The following GFOD1 variants were observed in gnomAD, a reference collection of about 807,000 sequenced individuals.
GFOD1 encodes the protein glucose-fructose oxidoreductase domain-containing protein 1.
In GFOD1, 9 loss-of-function variants were observed where a neutral mutation model predicts 25.4. The ratio of observed to expected loss-of-function variants is 0.35; its 90% CI spans 0.21 to 0.62. The LOEUF (loss-of-function observed/expected upper bound fraction) is 0.62, where lower values mean the gene tolerates loss of function less well. Ranked by LOEUF, GFOD1 falls within the 20% of genes least tolerant of loss-of-function variation. GFOD1 has a pLI of 0.72. For synonymous variants in GFOD1, 253 were observed against 245.6 expected, an observed-to-expected ratio of 1.03 and a Z score of -0.28; for missense variants, 403 against 556.9, an observed-to-expected ratio of 0.72 and a Z score of 2.78.
At chr6:13,383,623 A>G (rs377185909) in intron 1 of GFOD1, among the ~76,000 whole-genome samples, 10 of 152,388 alleles carry the variant, frequency 6.6e-5, no homozygotes, top group African/African-American at 2.4e-4. Flanking sequence ...CATTGTTAAA[A>G]TAATTAATGG....
intron 1 of GFOD1, among the ~76,000 whole-genome samples, chr6:13,387,408 G>A (rs1040207824): frequency 4.6e-5 from 7 of 152,142 alleles, no homozygotes; most frequent in African/African-American, 1.7e-4. Context: ...ACATCAAAAA[G>A]CTTATCCACC....
intron 1 of GFOD1, chr6:13,470,504 G>A: frequency 6.5e-7 from 1 of 1,549,974 alleles, no homozygotes; most frequent in Non-Finnish European, 8.7e-7. Flanking sequence ...AGCATCGTGG[G>A]GGGTAAACAA....
chr6:13,393,447 C>T (rs1168324393), intron 1 of GFOD1, among the ~76,000 whole-genome samples: 1 of 149,752 alleles, frequency 6.7e-6, no homozygotes, highest in Non-Finnish European at 1.5e-5. Flanking sequence ...CCTTCCCCTG[C>T]TTGCCATCCT....
intron 1 of GFOD1, among the ~76,000 whole-genome samples, chr6:13,483,028 C>A (rs9395813): frequency 0.13 from 19,001 of 151,866 alleles, 1,266 homozygotes; most frequent in Middle Eastern, 0.16. Flanking sequence ...TGCCTCCTGT[C>A]CAAAGACAGG....
chr6:13,396,877 A>C (rs1785743353), intron 1 of GFOD1, among the ~76,000 whole-genome samples: 1 of 152,198 alleles, frequency 6.6e-6, no homozygotes, highest in Non-Finnish European at 1.5e-5. Flanking sequence ...GAAGAGAATA[A>C]TCTGTATTGT....
rs568259396 is a variant in GFOD1 at position 13,361,377 on chromosome 6, C to T, written c.*3366G>A. On this transcript the variant is annotated 3_prime_UTR_variant, in exon 2 of 2. Coordinates refer to ENST00000379287, the MANE Select transcript of GFOD1 (RefSeq NM_018988.4). ...TAGGCCATTCGCACATTGATGGGAA[C>T]GAAACAGGCATGCAGGAACTAAATG... 1.3e-4 allele frequency: 20 copies of T among 157,916 alleles called. No individual in the cohort carries two copies. The South Asian group carries it at 1.8e-3, about 15-fold the overall frequency. 9.8% of individuals were successfully genotyped at this position (157,916 alleles called of 1,614,324 possible). A position where few individuals can be genotyped will look rare whatever the true frequency, so the allele number is the denominator to read the frequency against.
chr6:13,400,174 T>C (rs11753720), intron 1 of GFOD1, among the ~76,000 whole-genome samples: 33,224 of 152,048 alleles, frequency 0.22, 3,742 homozygotes, highest in East Asian at 0.34. Flanking sequence ...CACTAAGACA[T>C]GCAGGACCGG....
In GFOD1 at chr6:13,363,524, C is replaced by T. The variant is rs1372638477; in HGVS notation, c.*1219G>A. ...CCCCAAATTCTCAGGTGTCAGAATC[C>T]TGAAAGCAAATGCTGGAGCTAAGGA... On this transcript the variant is annotated 3_prime_UTR_variant, in exon 2 of 2. Transcript: ENST00000379287. 6.7e-6 allele frequency: 1 copy of T among 148,192 alleles called. No homozygotes were observed. The allele number at this position is 148,192 out of a possible 1,614,324, so 9.2% of individuals were successfully genotyped here. A position where few individuals can be genotyped will look rare whatever the true frequency, so the allele number is the denominator to read the frequency against.
At chr6:13,370,544 C>CG (rs1785130423) in intron 1 of GFOD1, among the ~76,000 whole-genome samples, 1 of 152,184 alleles carries the variant, frequency 6.6e-6, no homozygotes, top group South Asian at 2.1e-4. Context: ...CTACCTCTCT[C>CG]GGTGGGCTTC....
chr6:13,373,097 C>T (rs1785182711), intron 1 of GFOD1, among the ~76,000 whole-genome samples: 1 of 152,164 alleles, frequency 6.6e-6, no homozygotes, highest in African/African-American at 2.4e-5. Context: ...GTGCTAGGCA[C>T]TGGGACCAAA....
chr6:13,411,628 C>T (rs1440400415), intron 1 of GFOD1, among the ~76,000 whole-genome samples: 3 of 152,274 alleles, frequency 2.0e-5, no homozygotes, highest in Middle Eastern at 3.4e-3. Flanking sequence ...TACCCTGCAG[C>T]CCGGTTTCCT....
intron 1 of GFOD1, among the ~76,000 whole-genome samples, chr6:13,467,668 A>T (rs980124964): frequency 6.6e-6 from 1 of 152,238 alleles, no homozygotes; most frequent in Non-Finnish European, 1.5e-5. Flanking sequence ...CAAGAGCTTC[A>T]CTTCCCACCC....
intron 1 of GFOD1, chr6:13,470,415 G>T: frequency 6.5e-7 from 1 of 1,549,728 alleles, no homozygotes; most frequent in Non-Finnish European, 8.7e-7. Flanking sequence ...TGCCCTGGAT[G>T]TGAACGGCTG....
At position 13,359,924 on chromosome 6, in the gene GFOD1, T is replaced by A. The variant is rs904110859; in HGVS notation, c.*4819A>T. ...TCACGCCATTGCACTCCAGCCTGGG[T>A]GACAGAGTAAGACTCTGTCTCAAAA... On this transcript the variant is annotated 3_prime_UTR_variant, in exon 2 of 2. Coordinates refer to ENST00000379287, the MANE Select transcript of GFOD1 (RefSeq NM_018988.4). The A allele has an allele frequency of 2.5e-4, 37 of 145,784 alleles. No homozygotes were observed. Among genetic ancestry groups the A allele is most frequent in the African/African-American group, 9.2e-4 (34 of 37,018 alleles). 9.0% of individuals were successfully genotyped at this position (145,784 alleles called of 1,614,324 possible).
Position 13,419,561 on chromosome 6 carries a change from T to A in GFOD1, c.254-53899A>T, listed in dbSNP as rs116102829. ...AGGGCATTGGATCCTGTGACTCCCC[T>A]GCTACCCGCCTTCCGATGGCTTTGA... On this transcript the variant is annotated intron_variant, in intron 1 of 1. Coordinates refer to ENST00000379287, the MANE Select transcript of GFOD1 (RefSeq NM_018988.4). 6.2e-3 allele frequency among the ~76,000 whole-genome samples: 937 copies of A among 152,226 alleles called. 9 individuals are homozygous for A. The highest frequency in any genetic ancestry group is 0.021 in the African/African-American group (892 of 41,522).
intron 1 of GFOD1, among the ~76,000 whole-genome samples, chr6:13,467,303 C>T (rs570501158): frequency 6.6e-6 from 1 of 152,194 alleles, no homozygotes; most frequent in South Asian, 2.1e-4. Context: ...GACTCTGGTG[C>T]CTGTGTTATA....
At chr6:13,420,890 A>T (rs1232700918) in intron 1 of GFOD1, among the ~76,000 whole-genome samples, 1 of 152,220 alleles carries the variant, frequency 6.6e-6, no homozygotes, top group African/African-American at 2.4e-5. Context: ...AATTGTACAT[A>T]GAAGAATTCA....
chr6:13,378,222 C>A (rs1220652485), intron 1 of GFOD1, among the ~76,000 whole-genome samples: 1 of 152,118 alleles, frequency 6.6e-6, no homozygotes, highest in Non-Finnish European at 1.5e-5. Context: ...AAATTCAGTT[C>A]TGTGGTCCCA....
intron 1 of GFOD1, among the ~76,000 whole-genome samples, chr6:13,384,099 C>T (rs1414433608): frequency 4.6e-5 from 7 of 152,054 alleles, no homozygotes; most frequent in East Asian, 1.9e-4. Context: ...TGGTGGCATG[C>T]GCCTATAAGC....
Sources: allele counts gnomAD v4.1 joint callset (sites outside exome capture counted in the v4.1 genomes callset), GRCh38; gene constraint gnomAD v4.1.1; transcripts MANE v1.5; gene names NCBI Gene and HGNC (gene_info 2026-07-23, HGNC 2026-07-21).